PPP2R2C: variants seen among roughly 807,000 people sequenced by gnomAD.
The protein encoded by PPP2R2C is protein phosphatase 2 regulatory subunit Bgamma.
A neutral mutation model predicts 45.3 loss-of-function variants in PPP2R2C; 10 were observed. The ratio of observed to expected loss-of-function variants is 0.22; its 90% confidence interval spans 0.14 to 0.37. The LOEUF is 0.37. PPP2R2C is among the 10% of genes least tolerant of loss of function. The probability of loss-of-function intolerance (pLI) is 1.00; values close to 1 mark genes in which losing one functional copy is unlikely to be tolerated. For synonymous variants in PPP2R2C, 257 were observed against 245.4 expected, an observed-to-expected ratio of 1.05 and a Z score of -0.44; for missense variants, 308 against 619.7, an observed-to-expected ratio of 0.50 and a Z score of 5.34.
chr4:6,365,488 A>G (rs1244054636), intron 5 of PPP2R2C, among the ~76,000 whole-genome samples: 1 of 152,192 alleles, frequency 6.6e-6, no homozygotes, highest in African/African-American at 2.4e-5. Flanking sequence ...GCTCCTGGTA[A>G]AGGAGACACA....
chr4:6,476,455 C>G (rs1183563741), upstream of PPP2R2C, among the ~76,000 whole-genome samples: 2 of 152,138 alleles, frequency 1.3e-5, no homozygotes, highest in Admixed American at 1.3e-4. Context: ...AGTTTGCTTC[C>G]CCTCTCTGTC....
At chr4:6,545,495 G>T (rs1008656014) in intron 1 of PPP2R2C, among the ~76,000 whole-genome samples, 2 of 152,198 alleles carry the variant, frequency 1.3e-5, no homozygotes, top group African/African-American at 2.4e-5. Context: ...TTTTACATAA[G>T]TCTCTTTTCC....
At chr4:6,517,148 C>A (rs1435698748) in intron 2 of PPP2R2C, among the ~76,000 whole-genome samples, 2 of 152,214 alleles carry the variant, frequency 1.3e-5, no homozygotes, top group Non-Finnish European at 2.9e-5. Context: ...GCAAGCCCAC[C>A]AGATTGCTCG....
At position 6,410,001 on chromosome 4, in the gene PPP2R2C, A is replaced by G. The variant is rs114902607; in HGVS notation, c.71-28907T>C. Among the ~76,000 whole-genome samples, 1,130 of 152,298 alleles carry G rather than the reference A, an allele frequency of 7.4e-3. 14 individuals are homozygous for G. The highest frequency in any genetic ancestry group is 0.026 in the African/African-American group (1,065 of 41,568). On this transcript the variant is annotated intron_variant, in intron 1 of 8. Transcript: ENST00000382599. ...TAAAGTGAGGAGCCAGTCTGGTGTC[A>G]TCATCTGCATGACATGTGTCCCTCA... is the stretch of plus-strand genomic sequence containing the variant.
At chr4:6,477,429 C>A (rs970542440), upstream of PPP2R2C, among the ~76,000 whole-genome samples, 3 of 152,234 alleles carry the variant, frequency 2.0e-5, no homozygotes, top group African/African-American at 7.2e-5. Flanking sequence ...ACCCAGCATC[C>A]TCTCTTAAAA....
At position 6,459,853 on chromosome 4, in the gene PPP2R2C, G is replaced by A. The variant is rs117734237; in HGVS notation, c.70+12307C>T. ...AATATTAAATATGTTGGATCTAGTC[G>A]CCACTAGCAATGCTCTGGGGAAAGG... On this transcript the variant is annotated intron_variant, in intron 1 of 8. Transcript: ENST00000382599. Among the ~76,000 whole-genome samples, 86 of 152,156 alleles carry A rather than the reference G, an allele frequency of 5.7e-4. No individual in the cohort carries two copies. The East Asian group carries it at 0.014, about 26-fold the overall frequency.
chr4:6,467,576 C>G (rs1431212536), intron 1 of PPP2R2C, among the ~76,000 whole-genome samples: 1 of 152,130 alleles, frequency 6.6e-6, no homozygotes, highest in African/African-American at 2.4e-5. Context: ...AAAGAGGGTT[C>G]TCAAAACAGA....
Position 6,538,398 on chromosome 4 carries a change from C to G in PPP2R2C, c.-58-3021G>C, listed in dbSNP as rs76818360. Reference sequence around the variant, plus strand: ...CCACCGACACACAGGTGCATTGAGCCAAGTTCATCGTCCCCAGCGACGCAA... The same window carrying G: ...CCACCGACACACAGGTGCATTGAGCGAAGTTCATCGTCCCCAGCGACGCAA... On this transcript the variant is annotated intron_variant, in intron 1 of 9. Coordinates refer to the PPP2R2C transcript ENST00000506140. Among the ~76,000 whole-genome samples, 434 of 152,264 alleles carry G rather than the reference C, an allele frequency of 2.9e-3. 1 individual carries two copies. Among genetic ancestry groups the G allele is most frequent in the Non-Finnish European group, 4.3e-3 (291 of 68,028 alleles).
intron 1 of PPP2R2C, among the ~76,000 whole-genome samples, chr4:6,423,900 T>C (rs1469366115): frequency 6.6e-6 from 1 of 152,076 alleles, no homozygotes; most frequent in African/African-American, 2.4e-5. Context: ...TTTGAGAGTG[T>C]GTTAGGGTTA....
chr4:6,390,583 G>C (rs545570166), intron 1 of PPP2R2C, among the ~76,000 whole-genome samples: 1 of 152,234 alleles, frequency 6.6e-6, no homozygotes, highest in Non-Finnish European at 1.5e-5. Flanking sequence ...AAGTCTGGGC[G>C]GAGTCAGACT....
At position 6,347,982 on chromosome 4, in the gene PPP2R2C, C is replaced by T. The variant is rs1354612897; in HGVS notation, c.654G>A (p.Met218Ile). Residue 218 changes from methionine (M) to isoleucine (I), a missense_variant, in exon 6 of 9, where the codon ATG becomes ATA. Coordinates refer to ENST00000382599, the MANE Select transcript of PPP2R2C (RefSeq NM_020416.4). ...CTGTGATCACCTCCGTAAGGTCCTC[C>T]ATGTTGGCCGGCTTGATGTCCACGA... The part of the protein sequence containing the change: ...FNIVDIKPAN[M>I]EDLTEVITAS... The T allele has an allele frequency of 1.2e-6, 2 of 1,613,888 alleles. No homozygotes were observed. The highest frequency in any genetic ancestry group is 8.5e-7 in the Non-Finnish European group (1 of 1,179,988).
At chr4:6,447,189 G>T (rs1339003017) in intron 1 of PPP2R2C, among the ~76,000 whole-genome samples, 1 of 152,162 alleles carries the variant, frequency 6.6e-6, no homozygotes, top group African/African-American at 2.4e-5. Flanking sequence ...TGGGTAGAGA[G>T]GGTGGGAGCA....
chr4:6,397,637 G>T (rs571811404), intron 1 of PPP2R2C, among the ~76,000 whole-genome samples: 2 of 123,850 alleles, frequency 1.6e-5, no homozygotes, highest in African/African-American at 2.8e-5. Flanking sequence ...CCTGCCTAGA[G>T]GCTAAGGGCA....
Position 6,471,996 on chromosome 4 carries a change from A to G in PPP2R2C, c.70+164T>C, listed in dbSNP as rs1201346319. On this transcript the variant is annotated intron_variant, in intron 1 of 8. Transcript: ENST00000382599. The surrounding 1 kb of genome is among the most constrained non-coding windows in gnomAD (Gnocchi z 5.6). ...GCTCCCTCCCTCCTGGGCCCCGGGC[A>G]GGGTGGGATGGGATGGGGTGGGGTG... Among the ~76,000 whole-genome samples, 5 of 35,844 alleles carry G rather than the reference A, an allele frequency of 1.4e-4. No individual in the cohort carries two copies. The highest frequency in any genetic ancestry group is 1.3e-3 in the Admixed American group (4 of 3,108). 23.5% of individuals were successfully genotyped at this position (35,844 alleles called of 152,430 possible).
Position 6,472,484 on chromosome 4 carries a change from C to T in PPP2R2C, c.-255G>A. The stretch of plus-strand genomic sequence containing the variant: ...GCCGGGGCCCAGGCGCGCATCCCGG[C>T]CGGCCCGTGCGCGCTGCGTCCGTGC... On this transcript the variant is annotated 5_prime_UTR_variant, in exon 1 of 9. Transcript: ENST00000382599. The T allele has an allele frequency of 4.7e-6, 1 of 211,040 alleles. No individual in the cohort carries two copies. The highest frequency in any genetic ancestry group is 8.0e-6 in the Non-Finnish European group (1 of 125,230). The allele number at this position is 211,040 out of a possible 1,614,324, so 13.1% of individuals were successfully genotyped here.
At chr4:6,484,468 C>A (rs138713780) in intron 2 of PPP2R2C, among the ~76,000 whole-genome samples, 1 of 151,304 alleles carries the variant, frequency 6.6e-6, no homozygotes, top group Non-Finnish European at 1.5e-5. Context: ...TATCCTAGGT[C>A]CTTTGTATTT....
chr4:6,517,246 C>T (rs185310643), intron 2 of PPP2R2C, among the ~76,000 whole-genome samples: 48 of 152,318 alleles, frequency 3.2e-4, no homozygotes, highest in African/African-American at 6.0e-4. Flanking sequence ...ACACCTTGCC[C>T]GGCACCTGCC....
intron 5 of PPP2R2C, among the ~76,000 whole-genome samples, chr4:6,369,553 T>G (rs1714628340): frequency 6.6e-6 from 1 of 152,204 alleles, no homozygotes; most frequent in African/African-American, 2.4e-5. Flanking sequence ...GGCACAGCTG[T>G]GGGGGGTTTT....
chr4:6,367,818 C>G (rs1714464638), intron 5 of PPP2R2C, among the ~76,000 whole-genome samples: 1 of 152,270 alleles, frequency 6.6e-6, no homozygotes, highest in African/African-American at 2.4e-5. Flanking sequence ...CTGAGGTTCC[C>G]CAATGAATAG....
Sources: allele counts gnomAD v4.1 joint callset (sites outside exome capture counted in the v4.1 genomes callset), GRCh38; gene constraint gnomAD v4.1.1; non-coding constraint Gnocchi (gnomAD v3.1); transcripts MANE v1.5; gene names NCBI Gene and HGNC (gene_info 2026-07-23, HGNC 2026-07-21).